The following PPP6C variants were observed in gnomAD, a reference collection of about 807,000 sequenced individuals.
PPP6C encodes the protein serine/threonine-protein phosphatase 6 catalytic subunit.
Under a neutral mutation model 39.8 loss-of-function variants are expected in PPP6C, and 11 were observed. That is an observed-to-expected ratio of 0.28 (90% CI 0.17 to 0.46). The LOEUF (loss-of-function observed/expected upper bound fraction) is 0.46. PPP6C is among the 20% of genes least tolerant of loss of function. PPP6C has a pLI of 1.00. For synonymous variants in PPP6C, 129 were observed against 130.3 expected, an observed-to-expected ratio of 0.99 and a Z score of 0.07; for missense variants, 211 against 373.9, an observed-to-expected ratio of 0.56 and a Z score of 3.59.
At chr9:125,186,174 G>A (rs889708061) in intron 1 of PPP6C, among the ~76,000 whole-genome samples, 1 of 151,918 alleles carries the variant, frequency 6.6e-6, no homozygotes, top group African/African-American at 2.4e-5. Context: ...TCATTAAGTG[G>A]CCTCAATGAT....
At chr9:125,167,240 G>A (rs966805289) in intron 2 of PPP6C, among the ~76,000 whole-genome samples, 2 of 151,736 alleles carry the variant, frequency 1.3e-5, no homozygotes, top group African/African-American at 4.8e-5. Flanking sequence ...AATCAGCCAG[G>A]CGTGGTGGTG....
chr9:125,149,624 T>C lies in PPP6C; in HGVS notation c.*49A>G, dbSNP rs1206788147. ...ATTGTAGAGGGTAATACAAGAAAAT[T>C]GGGGTAAGAAGAGGGCAGAAAAATG... On this transcript the variant is annotated 3_prime_UTR_variant, in exon 7 of 7. Transcript: ENST00000373547. The C allele has an allele frequency of 1.5e-5, 23 of 1,583,730 alleles. No individual in the cohort carries two copies. Among genetic ancestry groups the C allele is most frequent in the Non-Finnish European group, 8.6e-7 (1 of 1,161,390 alleles).
At chr9:125,182,762 A>C (rs1246946807) in intron 1 of PPP6C, among the ~76,000 whole-genome samples, 2 of 148,652 alleles carry the variant, frequency 1.3e-5, no homozygotes, top group African/African-American at 5.0e-5. Context: ...CTAGATACCC[A>C]TAGTAACTTC....
At chr9:125,154,412 T>G (rs553913125) in intron 4 of PPP6C, among the ~76,000 whole-genome samples, 1 of 152,340 alleles carries the variant, frequency 6.6e-6, no homozygotes, top group African/African-American at 2.4e-5. Flanking sequence ...AATAGGAATT[T>G]TTCAGCTCCG....
At chr9:125,173,404 CAAAAA>C (rs1157793278) in intron 1 of PPP6C, among the ~76,000 whole-genome samples, 4 of 50,750 alleles carry the variant, frequency 7.9e-5, no homozygotes, top group Admixed American at 5.7e-4. Context: ...GACTCCCTCT[CAAAAA>C]AAAAAAAAAA....
intron 1 of PPP6C, among the ~76,000 whole-genome samples, chr9:125,177,749 AT>A (rs1010526316): frequency 1.6e-4 from 24 of 152,218 alleles, no homozygotes; most frequent in African/African-American, 5.5e-4. Flanking sequence ...AGTTTTGACA[AT>A]TGTATAATGA....
chr9:125,166,804 C>T (rs896297546), intron 2 of PPP6C, among the ~76,000 whole-genome samples: 1 of 152,050 alleles, frequency 6.6e-6, no homozygotes, highest in Non-Finnish European at 1.5e-5. Flanking sequence ...TGTGAGCCAC[C>T]GTGCCCAACC....
intron 3 of PPP6C, 85 bp downstream of exon 3, chr9:125,160,756 T>TA (rs1296281807): frequency 1.0e-6 from 1 of 994,706 alleles, no homozygotes; most frequent in African/African-American, 1.7e-5. Flanking sequence ...TGTCACATGG[T>TA]AAAGAATTAT....
intron 3 of PPP6C, among the ~76,000 whole-genome samples, chr9:125,160,463 G>T (rs1394752977): frequency 6.6e-6 from 1 of 152,166 alleles, no homozygotes; most frequent in East Asian, 1.9e-4. Context: ...GAATCATGGG[G>T]GCAAGTCTTT....
At chr9:125,183,774 A>T (rs1200895535) in intron 1 of PPP6C, among the ~76,000 whole-genome samples, 2 of 152,100 alleles carry the variant, frequency 1.3e-5, no homozygotes, top group African/African-American at 4.8e-5. Flanking sequence ...TCCTTTATGA[A>T]ATCATCTCTG....
chr9:125,170,856 T>C (rs1255214266), intron 2 of PPP6C, among the ~76,000 whole-genome samples: 2 of 152,218 alleles, frequency 1.3e-5, no homozygotes, highest in Admixed American at 6.5e-5. Flanking sequence ...TGCTGCATTA[T>C]TCACTTCACA....
chr9:125,180,484 G>C (rs752722836), intron 1 of PPP6C, among the ~76,000 whole-genome samples: 7 of 152,230 alleles, frequency 4.6e-5, no homozygotes, highest in African/African-American at 1.7e-4. Flanking sequence ...GTGCAATGGC[G>C]TGATCTTGGC....
chr9:125,168,784 CAG>C (rs1829080704), intron 2 of PPP6C, among the ~76,000 whole-genome samples: 1 of 140,088 alleles, frequency 7.1e-6, no homozygotes, highest in Admixed American at 7.2e-5. Context: ...TTTTTCGAGA[CAG>C]AGTCTCACTC....
At chr9:125,172,748 C>T (rs199690154) in intron 1 of PPP6C, among the ~76,000 whole-genome samples, 1 of 141,090 alleles carries the variant, frequency 7.1e-6, no homozygotes, top group Admixed American at 6.9e-5. Context: ...CACACACACA[C>T]ACAAACACAC....
intron 1 of PPP6C, among the ~76,000 whole-genome samples, chr9:125,177,108 CTCACGCCTGTAA>C (rs1829315688): frequency 6.6e-6 from 1 of 152,158 alleles, no homozygotes; most frequent in South Asian, 2.1e-4. Context: ...GGCGCGGTGG[CTCACGCCTGTAA>C]TCCCAGCACT....
chr9:125,164,718 T>C (rs1256116622), intron 2 of PPP6C, among the ~76,000 whole-genome samples: 1 of 152,146 alleles, frequency 6.6e-6, no homozygotes, highest in African/African-American at 2.4e-5. Context: ...ACTACATATA[T>C]GTACCACTTT....
intron 2 of PPP6C, among the ~76,000 whole-genome samples, chr9:125,162,475 AAAAAAAAAG>A (rs1201634996): frequency 8.4e-6 from 1 of 118,978 alleles, no homozygotes; most frequent in Non-Finnish European, 2.0e-5. Context: ...AAAAAAAAAA[AAAAAAAAAG>A]TGTTATGGTC....
At position 125,168,489 on chromosome 9, in the gene PPP6C, G is replaced by A. The variant is rs371362610; in HGVS notation, c.171+2596C>T. 9.9e-5 allele frequency among the ~76,000 whole-genome samples: 15 copies of A among 152,094 alleles called. 1 individual carries two copies. In the South Asian group the frequency reaches 2.9e-3, roughly 29 times the overall value. Reference sequence around the variant, plus strand: ...TTTCATTTTTTTGAGACGGAGTTTCGCTCTTGTTGCCCAGGCTGGAGTGCA... The same window carrying A: ...TTTCATTTTTTTGAGACGGAGTTTCACTCTTGTTGCCCAGGCTGGAGTGCA... On this transcript the variant is annotated intron_variant, in intron 2 of 6. Coordinates refer to ENST00000373547, the MANE Select transcript of PPP6C (RefSeq NM_002721.5).
At chr9:125,174,576 T>C (rs971979135) in intron 1 of PPP6C, among the ~76,000 whole-genome samples, 2 of 151,864 alleles carry the variant, frequency 1.3e-5, no homozygotes, top group Non-Finnish European at 2.9e-5. Flanking sequence ...AATCAATCCA[T>C]GGTCCTGCCA....
Sources: allele counts gnomAD v4.1 joint callset (sites outside exome capture counted in the v4.1 genomes callset), GRCh38; gene constraint gnomAD v4.1.1; transcripts MANE v1.5; gene names NCBI Gene and HGNC (gene_info 2026-07-23, HGNC 2026-07-21).